Variants in PDE4D observed in about 807,000 individuals in gnomAD.
PDE4D encodes 3',5'-cyclic-AMP phosphodiesterase 4D.
PDE4D carries 24 observed loss-of-function variants against 87.4 expected under a neutral mutation model. That is an observed-to-expected ratio of 0.27 (90% CI 0.20 to 0.39). The LOEUF (loss-of-function observed/expected upper bound fraction) is 0.39, where lower values mean the gene tolerates loss of function less well. Among genes scored for constraint, PDE4D ranks in the 10% least tolerant of loss-of-function variants. The pLI is 1.00. For synonymous variants in PDE4D, 384 were observed against 383.2 expected (o/e 1.00, Z -0.02); for missense variants, 714 against 1,041.0 (o/e 0.69, Z 4.32).
chr5:59,132,833 G>A (rs1776474251), intron 5 of PDE4D, among the ~76,000 whole-genome samples: 1 of 152,144 alleles, frequency 6.6e-6, no homozygotes, highest in African/African-American at 2.4e-5. Context: ...AAACCCACAA[G>A]TAGAAATGAT....
At chr5:59,243,661 T>C (rs371734213) in intron 1 of PDE4D, among the ~76,000 whole-genome samples, 17 of 151,914 alleles carry the variant, frequency 1.1e-4, no homozygotes, top group African/African-American at 3.1e-4. Context: ...GGTTTCTCCA[T>C]ATTGGCCAGG....
At chr5:59,951,820 T>TGG (rs1758322253) in intron 3 of PDE4D, among the ~76,000 whole-genome samples, 2 of 152,144 alleles carry the variant, frequency 1.3e-5, no homozygotes, top group African/African-American at 2.4e-5. Flanking sequence ...CTAAAGATTA[T>TGG]AAAAATATAG....
intron 1 of PDE4D, among the ~76,000 whole-genome samples, chr5:59,733,123 G>C (rs1258925271): frequency 6.6e-6 from 1 of 152,066 alleles, no homozygotes; most frequent in African/African-American, 2.4e-5. Context: ...CTTATTTACA[G>C]GATGAAAAGG....
chr5:59,803,452 T>C (rs1308586434), intron 1 of PDE4D, among the ~76,000 whole-genome samples: 1 of 151,876 alleles, frequency 6.6e-6, no homozygotes, highest in Admixed American at 6.6e-5. Context: ...GTGCCCGCCA[T>C]CACGCACAGC....
intron 1 of PDE4D, among the ~76,000 whole-genome samples, chr5:60,309,764 T>C (rs1377796291): frequency 6.6e-6 from 1 of 152,314 alleles, no homozygotes; most frequent in Non-Finnish European, 1.5e-5. Flanking sequence ...CAATGCCATA[T>C]TAGCAGCAGG....
intron 3 of PDE4D, among the ~76,000 whole-genome samples, chr5:59,956,590 G>A (rs1276151747): frequency 2.6e-5 from 4 of 152,098 alleles, no homozygotes; most frequent in Admixed American, 1.3e-4. Context: ...GATGACTGGG[G>A]AATTTCAAAT....
intron 1 of PDE4D, among the ~76,000 whole-genome samples, chr5:59,390,854 TAA>T (rs565398191): frequency 5.3e-4 from 80 of 152,200 alleles, no homozygotes; most frequent in African/African-American, 1.8e-3. Flanking sequence ...CAGAGGGTGG[TAA>T]AAGTCACTCC....
chr5:59,519,765 G>A (rs1219468158), intron 1 of PDE4D, among the ~76,000 whole-genome samples: 1 of 152,172 alleles, frequency 6.6e-6, no homozygotes, highest in Non-Finnish European at 1.5e-5. Context: ...TAGACTGGAT[G>A]GGCAAAAGCA....
At position 59,090,951 on chromosome 5, in the gene PDE4D, C is replaced by G. The variant is rs147213774; in HGVS notation, c.809-51980G>C. The G allele has an allele frequency of 5.0e-4, 147 of 293,160 alleles. 2 individuals carry two copies. In the East Asian group the frequency reaches 0.011, roughly 22 times the overall value. 18.2% of individuals were successfully genotyped at this position (293,160 alleles called of 1,614,324 possible). On this transcript the variant is annotated intron_variant, in intron 5 of 14. Transcript: ENST00000340635. The stretch of plus-strand genomic sequence containing the variant: ...TGCCATGTTGTGACAAATACTCTAA[C>G]TTATTTGGCCTTTGGCTCCCTAAAG...
intron 1 of PDE4D, among the ~76,000 whole-genome samples, chr5:59,491,954 G>A (rs2153660572): frequency 6.6e-6 from 1 of 152,254 alleles, no homozygotes; most frequent in Non-Finnish European, 1.5e-5. Flanking sequence ...ATTCAGGATT[G>A]AGGCATTCAT....
chr5:60,127,247 A>T (rs1489838764), intron 2 of PDE4D, among the ~76,000 whole-genome samples: 1 of 152,154 alleles, frequency 6.6e-6, no homozygotes. Context: ...ACAAGGTGTG[A>T]TTCAGATTAT....
chr5:59,912,232 A>T lies in PDE4D; in HGVS notation c.272+76256T>A, dbSNP rs138787016. On this transcript the variant is annotated intron_variant, in intron 3 of 16. Transcript: ENST00000502484. ...CCAATGACAGAAGAGCCTGATATAT[A>T]GTAGGTGCTCAGAAATCATTTGTTG... Among the ~76,000 whole-genome samples, 116 of 152,348 alleles carry T rather than the reference A, an allele frequency of 7.6e-4. 3 individuals are homozygous for T. Among genetic ancestry groups the T allele is most frequent in the African/African-American group, 2.7e-3 (114 of 41,592 alleles).
intron 1 of PDE4D, among the ~76,000 whole-genome samples, chr5:59,684,238 C>T (rs1749493973): frequency 6.6e-6 from 1 of 152,072 alleles, no homozygotes; most frequent in Non-Finnish European, 1.5e-5. Context: ...CTTCTGTCTC[C>T]TCATATCTTT....
chr5:59,576,511 ATTC>A (rs1382831012), intron 1 of PDE4D, among the ~76,000 whole-genome samples: 36 of 152,292 alleles, frequency 2.4e-4, no homozygotes, highest in African/African-American at 8.4e-4. Context: ...TTTATTTATC[ATTC>A]TTTTCTGTAC....
At chr5:60,482,495 AG>A (rs1368549744) in intron 1 of PDE4D, among the ~76,000 whole-genome samples, 1 of 152,186 alleles carries the variant, frequency 6.6e-6, no homozygotes, top group Non-Finnish European at 1.5e-5. Context: ...GGCCAATAGA[AG>A]GTGAGCAGAC....
intron 1 of PDE4D, among the ~76,000 whole-genome samples, chr5:59,576,405 T>C (rs1489719483): frequency 6.6e-6 from 1 of 152,170 alleles, no homozygotes; most frequent in African/African-American, 2.4e-5. Flanking sequence ...TTATTTTTTA[T>C]AGCATACGAC....
intron 6 of PDE4D, among the ~76,000 whole-genome samples, chr5:59,019,457 G>C (rs928557672): frequency 6.6e-6 from 1 of 152,064 alleles, no homozygotes; most frequent in Admixed American, 6.6e-5. Context: ...GCTTGACCTG[G>C]CATTTAAGAC....
chr5:59,287,734 GAGACAGAC>G (rs796558336), intron 1 of PDE4D, among the ~76,000 whole-genome samples: 1 of 151,274 alleles, frequency 6.6e-6, no homozygotes, highest in Non-Finnish European at 1.5e-5. Flanking sequence ...GAGAGAGAGA[GAGACAGAC>G]AGACAGACAG....
chr5:60,150,074 G>C (rs937589633), intron 2 of PDE4D, among the ~76,000 whole-genome samples: 1 of 146,746 alleles, frequency 6.8e-6, no homozygotes, highest in African/African-American at 2.5e-5. Context: ...TATATGACTA[G>C]TATATAGAAT....
Sources: allele counts gnomAD v4.1 joint callset (sites outside exome capture counted in the v4.1 genomes callset), GRCh38; gene constraint gnomAD v4.1.1; transcripts MANE v1.5; gene names NCBI Gene and HGNC (gene_info 2026-07-23, HGNC 2026-07-21).